Variants in PHGDH observed in about 807,000 individuals in gnomAD.
PHGDH encodes D-3-phosphoglycerate dehydrogenase.
PHGDH carries 50 observed loss-of-function variants against 52.6 expected under a neutral mutation model. The observed-to-expected ratio is 0.95, with a 90% CI of 0.76 to 1.20. PHGDH has a LOEUF of 1.20. Among genes scored for constraint, PHGDH ranks in the 50% most tolerant of loss-of-function variants. PHGDH has a pLI of 0.00. For synonymous variants in PHGDH, 271 were observed against 280.5 expected, an observed-to-expected ratio of 0.97 and a Z score of 0.34; for missense variants, 630 against 684.6, an observed-to-expected ratio of 0.92 and a Z score of 0.89.
intron 1 of PHGDH, among the ~76,000 whole-genome samples, chr1:119,715,199 A>G (rs1212996201): frequency 6.6e-6 from 1 of 152,228 alleles, no homozygotes; most frequent in African/African-American, 2.4e-5. Flanking sequence ...CTCTTTTTAC[A>G]TATGATGCAT....
At chr1:119,724,808 G>A (rs55899400) in intron 3 of PHGDH, 50,071 of 456,502 alleles carry the variant, frequency 0.11, 3,367 homozygotes, top group Non-Finnish European at 0.15. Context: ...TAAAGGAATC[G>A]GTGAAATGCT....
intron 1 of PHGDH, chr1:119,720,846 G>T: frequency 2.6e-6 from 1 of 387,594 alleles, no homozygotes; most frequent in South Asian, 2.2e-5. Context: ...GGACATCCAG[G>T]CTGCAGGCAT....
At chr1:119,721,697 T>C (rs1348510951) in intron 2 of PHGDH, 2 of 229,210 alleles carry the variant, frequency 8.7e-6, no homozygotes, top group East Asian at 2.0e-4. Context: ...CCCAGCCCCC[T>C]CTGCCTCTAT....
intron 3 of PHGDH, chr1:119,724,659 AT>A (rs34327221): frequency 0.089 from 30,073 of 337,092 alleles, 138 homozygotes; most frequent in South Asian, 0.11. Flanking sequence ...ACCTTCAGGG[AT>A]TTTTTTTTTT....
chr1:119,738,589 G>A (rs879635735), intron 8 of PHGDH, among the ~76,000 whole-genome samples: 3 of 152,238 alleles, frequency 2.0e-5, no homozygotes, highest in Non-Finnish European at 2.9e-5. Context: ...CCAGGCTGAG[G>A]TTTGAGCTCA....
Position 119,727,110 on chromosome 1 carries a change from G to A in PHGDH, c.510+8G>A. 1 of 1,531,144 alleles carries A rather than the reference G, an allele frequency of 6.5e-7. No individual in the cohort carries two copies. The highest frequency in any genetic ancestry group is 1.1e-5 in the South Asian group (1 of 89,482). The allele number at this position is 1,531,144 out of a possible 1,614,324, so 94.8% of individuals were successfully genotyped here. ...CAGTCCTTTGGGATGAAGGTAAGAT[G>A]TTGCTGGAACCCTGTGATGTGGGAC... On this transcript the variant is annotated splice_region_variant and intron_variant, in intron 5 of 11. Coordinates refer to ENST00000641023, the MANE Select transcript of PHGDH (RefSeq NM_006623.4).
chr1:119,735,056 C>A (rs779794103), intron 6 of PHGDH: 301 of 638,688 alleles, frequency 4.7e-4, no homozygotes, highest in Admixed American at 1.5e-3. Flanking sequence ...CCACTTGAAA[C>A]AGTAATATCT....
chr1:119,736,441 A>G (rs587706988), intron 7 of PHGDH, among the ~76,000 whole-genome samples: 1 of 152,346 alleles, frequency 6.6e-6, no homozygotes, highest in South Asian at 2.1e-4. Context: ...TAAATGGTCA[A>G]AATTCAATGG....
rs760303904 is a variant in PHGDH, at chr1:119,712,284, G to A, written c.138+124G>A. 3.2e-4 allele frequency: 252 copies of A among 793,594 alleles called. 2 individuals carry two copies. The highest frequency in any genetic ancestry group is 1.6e-3 in the Admixed American group (78 of 48,392). The allele number at this position is 793,594 out of a possible 1,614,324, so 49.2% of individuals were successfully genotyped here. On this transcript the variant is annotated intron_variant, in intron 1 of 11. Coordinates refer to ENST00000641023, the MANE Select transcript of PHGDH (RefSeq NM_006623.4). ...ATCAATTAGTTCCGGGGCCTCCTGA[G>A]ATTGGGGGGTAGAGAAGAACGGGGG...
intron 7 of PHGDH, 82 bp from the exon 8 acceptor site, chr1:119,737,032 C>T: frequency 7.0e-7 from 1 of 1,432,378 alleles, no homozygotes; most frequent in Non-Finnish European, 9.8e-7. Flanking sequence ...GCCTTCCCTC[C>T]AACTTTCCTG....
chr1:119,733,205 G>A (rs1651777688), intron 5 of PHGDH, among the ~76,000 whole-genome samples: 1 of 152,110 alleles, frequency 6.6e-6, no homozygotes, highest in South Asian at 2.1e-4. Context: ...GGGGCCACTT[G>A]GCTTTCCTTA....
chr1:119,734,841 C>T (rs757491563), intron 6 of PHGDH, 75 bp downstream of exon 6: 22 of 1,507,042 alleles, frequency 1.5e-5, no homozygotes, highest in Non-Finnish European at 2.0e-5. Context: ...CCATCTGGGC[C>T]TTCCCCAGAC....
chr1:119,723,161 G>A (rs1447999765), intron 2 of PHGDH, among the ~76,000 whole-genome samples: 2 of 152,200 alleles, frequency 1.3e-5, no homozygotes, highest in African/African-American at 2.4e-5. Context: ...TCTAATGGAG[G>A]TCCCTCTGCA....
intron 8 of PHGDH, chr1:119,740,001 A>T (rs1246950750): frequency 4.9e-6 from 1 of 204,778 alleles, no homozygotes; most frequent in Non-Finnish European, 1.0e-5. Flanking sequence ...GCCAGAGAAG[A>T]CCCGTCACTC....
Position 119,741,833 on chromosome 1 carries a change from C to G in PHGDH, c.1145C>G (p.Ala382Gly). ...GTCATTGTCGGCCTCCTGAAAGAGGCTTCCAAGCAGGCGGATGTGAACTTG... is the reference window on the plus strand; with the variant it reads ...GTCATTGTCGGCCTCCTGAAAGAGGGTTCCAAGCAGGCGGATGTGAACTTG... ...PAVIVGLLKE[A>G]SKQADVNLVN... is the part of the protein sequence containing the mutation. Residue 382 changes from alanine (A) to glycine (G), a missense_variant, in exon 10 of 12, where the codon GCT (alanine) becomes GGT (glycine). Coordinates refer to ENST00000641023, the MANE Select transcript of PHGDH (RefSeq NM_006623.4). 6.2e-7 allele frequency: 1 copy of G among 1,613,476 alleles called. No individual in the cohort carries two copies. The highest frequency in any genetic ancestry group is 8.5e-7 in the Non-Finnish European group (1 of 1,179,366).
chr1:119,740,455 C>G lies in PHGDH; in HGVS notation c.1015C>G (p.Leu339Val). ...GCCTTGGATTGGTCTGGCAGAAGCT[C>G]TGGGGACACTGATGCGAGCCTGGGC... ...TKPWIGLAEA[L>V]GTLMRAWAGS... Residue 339 changes from leucine (L) to valine (V), a missense_variant, in exon 9 of 12, where the codon CTG (leucine) becomes GTG (valine). Physicochemically the swap from Leu to Val is conservative, Grantham distance 32. Transcript: ENST00000641023. 1.9e-6 allele frequency: 3 copies of G among 1,611,818 alleles called. No homozygotes were observed. The highest frequency in any genetic ancestry group is 1.7e-6 in the Non-Finnish European group (2 of 1,178,984).
rs1421860040 is a variant in PHGDH, at chr1:119,737,100, C to T, written c.793-14C>T. 8 of 1,613,760 alleles carry T rather than the reference C, an allele frequency of 5.0e-6. No homozygotes were observed. The highest frequency in any genetic ancestry group is 6.8e-6 in the Non-Finnish European group (8 of 1,179,856). On this transcript the variant is annotated splice_polypyrimidine_tract_variant and intron_variant, in intron 7 of 11. Transcript: ENST00000641023. ...TCCATGGCAGCCAACTTAGAGGTATCTCTTTCTGGGCAGGAGCCGCCACGG... is the reference window on the plus strand; with the variant it reads ...TCCATGGCAGCCAACTTAGAGGTATTTCTTTCTGGGCAGGAGCCGCCACGG...
chr1:119,741,634 T>C, intron 9 of PHGDH, 133 bp from the exon 10 acceptor site: 1 of 817,768 alleles, frequency 1.2e-6, no homozygotes, highest in African/African-American at 1.7e-5. Context: ...TGGACCTGCC[T>C]GGAGCAAGCT....
chr1:119,734,873 G>T lies in PHGDH; in HGVS notation c.643+107G>T, dbSNP rs587661578. On this transcript the variant is annotated intron_variant, in intron 6 of 11. Transcript: ENST00000641023. ...AGACAGTGGTAACCAGCTGTGGGGA[G>T]AGGTCCACCTGGGTCCTGCAGAGGC... is the stretch of plus-strand genomic sequence containing the variant. The T allele has an allele frequency of 5.6e-6, 7 of 1,257,920 alleles. No individual in the cohort carries two copies. The African/African-American group carries it at 7.3e-5, about 13-fold the overall frequency. 77.9% of individuals were successfully genotyped at this position (1,257,920 alleles called of 1,614,324 possible). A position where few individuals can be genotyped will look rare whatever the true frequency, so the allele number is the denominator to read the frequency against.
Sources: allele counts gnomAD v4.1 joint callset (sites outside exome capture counted in the v4.1 genomes callset), GRCh38; gene constraint gnomAD v4.1.1; transcripts MANE v1.5; gene names NCBI Gene and HGNC (gene_info 2026-07-23, HGNC 2026-07-21).